The following AKR1C3 variants were observed in gnomAD, a reference collection of about 807,000 sequenced individuals.
AKR1C3 encodes the protein 3-alpha hydroxysteroid dehydrogenase, type II.
In AKR1C3, 48 loss-of-function variants were observed where a neutral mutation model predicts 43.6. The observed-to-expected ratio is 1.10, with a 90% confidence interval of 0.87 to 1.40. The LOEUF is 1.40. Among genes scored for constraint, AKR1C3 ranks in the 40% most tolerant of loss-of-function variants. The pLI, the probability that AKR1C3 is intolerant of heterozygous loss-of-function variation, is 0.00. For synonymous variants in AKR1C3, 162 were observed against 139.6 expected, an observed-to-expected ratio of 1.16 and a Z score of -1.13; for missense variants, 482 against 391.2, an observed-to-expected ratio of 1.23 and a Z score of -1.96.
chr10:5,054,550 G>T (rs1838219923), intron 1 of AKR1C3, among the ~76,000 whole-genome samples: 1 of 152,124 alleles, frequency 6.6e-6, no homozygotes, highest in Non-Finnish European at 1.5e-5. Flanking sequence ...GCCTTGGCTG[G>T]GTAGACAGAA....
upstream of AKR1C3, among the ~76,000 whole-genome samples, chr10:5,089,517 C>G (rs897475806): frequency 1.3e-5 from 2 of 152,030 alleles, no homozygotes; most frequent in Non-Finnish European, 1.5e-5. Flanking sequence ...ATGCTTTCTT[C>G]TGCTGGTTTA....
chr10:5,074,360 A>T (rs1554781609), intron 1 of AKR1C3, among the ~76,000 whole-genome samples: 1 of 152,224 alleles, frequency 6.6e-6, no homozygotes, highest in Admixed American at 6.5e-5. Flanking sequence ...AAGTATTTTG[A>T]CAAATTTCAA....
chr10:5,077,145 C>T (rs1838733712), intron 1 of AKR1C3, among the ~76,000 whole-genome samples: 1 of 151,934 alleles, frequency 6.6e-6, no homozygotes, highest in South Asian at 2.1e-4. Context: ...GTTAATATTC[C>T]CCTCTTGTCC....
chr10:5,104,369 T>A (rs56234224), intron 7 of AKR1C3, among the ~76,000 whole-genome samples: 4,615 of 131,572 alleles, frequency 0.035, 232 homozygotes, highest in African/African-American at 0.13. Context: ...GCATTCACAT[T>A]TGCTCACATA....
At chr10:5,098,594 A>G (rs34774984) in intron 3 of AKR1C3, among the ~76,000 whole-genome samples, 120 of 152,368 alleles carry the variant, frequency 7.9e-4, no homozygotes, top group African/African-American at 2.8e-3. Context: ...TTTTCCATGC[A>G]TATAATATTT....
intron 1 of AKR1C3, among the ~76,000 whole-genome samples, chr10:5,069,855 T>C (rs1554781164): frequency 6.6e-6 from 1 of 151,274 alleles, no homozygotes; most frequent in East Asian, 1.9e-4. Context: ...GCCTGGGCAA[T>C]AAGAGTGAAA....
At chr10:5,103,619 C>A (rs1466874520) in intron 7 of AKR1C3, among the ~76,000 whole-genome samples, 2 of 152,136 alleles carry the variant, frequency 1.3e-5, no homozygotes, top group Non-Finnish European at 2.9e-5. Flanking sequence ...TTTTCTCCTC[C>A]ATATAGTTCA....
At chr10:5,085,449 T>A (rs1209815127) in intron 1 of AKR1C3, among the ~76,000 whole-genome samples, 2 of 151,918 alleles carry the variant, frequency 1.3e-5, no homozygotes, top group East Asian at 3.8e-4. Context: ...GTGGATAAGC[T>A]TTTTGATGTG....
Position 5,097,949 on chromosome 10 carries a change from C to T in AKR1C3, c.369+399C>T, listed in dbSNP as rs573012093. 1.8e-4 allele frequency: 191 copies of T among 1,049,402 alleles called. 1 individual carries two copies. The African/African-American group carries it at 3.1e-3, about 17-fold the overall frequency. 65.0% of individuals were successfully genotyped at this position (1,049,402 alleles called of 1,614,324 possible). On this transcript the variant is annotated intron_variant, in intron 3 of 8. Transcript: ENST00000380554. ...TTCCACCATCTCTCCCCATTTCAAG[C>T]TGAAGCAGATTTGGTGGAAGCCACT...
chr10:5,088,646 G>T (rs1293828427), intron 1 of AKR1C3, among the ~76,000 whole-genome samples: 1 of 151,320 alleles, frequency 6.6e-6, no homozygotes, highest in Non-Finnish European at 1.5e-5. Context: ...GGCTAGTCCT[G>T]CTTGCTGACA....
At chr10:5,094,301 C>G, upstream of AKR1C3, 2 of 789,708 alleles carry the variant, frequency 2.5e-6, no homozygotes, top group East Asian at 3.7e-5. Flanking sequence ...CCATATAAGA[C>G]TGCCTATGTA....
Position 5,074,618 on chromosome 10 carries a change from T to C in AKR1C3, c.85-21792T>C, listed in dbSNP as rs560369218. On this transcript the variant is annotated intron_variant, in intron 1 of 8. Coordinates refer to the AKR1C3 transcript ENST00000439082. ...GACATAGTGTGCAAGAAGATTAAAT[T>C]TTGGTACCCGAAACTCTTTTAGCCA... Among the ~76,000 whole-genome samples, 18 of 152,288 alleles carry C rather than the reference T, an allele frequency of 1.2e-4. No homozygotes were observed. In the South Asian group the frequency reaches 3.7e-3, roughly 32 times the overall value.
At chr10:5,094,380 A>G, upstream of AKR1C3, 1 of 1,595,958 alleles carries the variant, frequency 6.3e-7, no homozygotes, top group South Asian at 1.1e-5. Flanking sequence ...TTTCCTGCCC[A>G]TTGTTTTTGT....
rs919811333 is a variant in AKR1C3 at position 5,107,596 on chromosome 10, C to T, written c.*93C>T. On this transcript the variant is annotated 3_prime_UTR_variant, in exon 9 of 9. Transcript: ENST00000380554. ...ATGCCGGTGACTGGACATATCACCT[C>T]TACTTAAATCCGTCCTGTTTAGCGA... The T allele has an allele frequency of 1.6e-4, 159 of 989,276 alleles. No homozygotes were observed. Among genetic ancestry groups the T allele is most frequent in the Non-Finnish European group, 2.3e-4 (145 of 642,216 alleles). 61.3% of individuals were successfully genotyped at this position (989,276 alleles called of 1,614,324 possible). A position where few individuals can be genotyped will look rare whatever the true frequency, so the allele number is the denominator to read the frequency against.
At chr10:5,079,342 T>C (rs932978234) in intron 1 of AKR1C3, among the ~76,000 whole-genome samples, 1 of 152,062 alleles carries the variant, frequency 6.6e-6, no homozygotes, top group South Asian at 2.1e-4. Flanking sequence ...TATATTTTGA[T>C]CTTGCTGTTA....
At chr10:5,106,046 C>G (rs1042878983) in intron 8 of AKR1C3, among the ~76,000 whole-genome samples, 1 of 152,216 alleles carries the variant, frequency 6.6e-6, no homozygotes, top group Admixed American at 6.5e-5. Flanking sequence ...TGTCCCAAAC[C>G]TGCTCAGCTC....
At chr10:5,065,626 G>A (rs1318351207) in intron 1 of AKR1C3, among the ~76,000 whole-genome samples, 2 of 152,158 alleles carry the variant, frequency 1.3e-5, no homozygotes, top group East Asian at 1.9e-4. Flanking sequence ...ATGAGCATAG[G>A]GCCCCATTAC....
chr10:5,065,380 T>A (rs994336929), intron 1 of AKR1C3, among the ~76,000 whole-genome samples: 8 of 152,206 alleles, frequency 5.3e-5, no homozygotes, highest in Admixed American at 1.3e-4. Flanking sequence ...CCAGACTGGA[T>A]AAAGAAATCT....
upstream of AKR1C3, among the ~76,000 whole-genome samples, chr10:5,091,239 T>A (rs1009981503): frequency 1.3e-5 from 2 of 152,000 alleles, no homozygotes; most frequent in African/African-American, 4.8e-5. Flanking sequence ...AAAGAGAGAA[T>A]GAGAATTGCT....
Sources: allele counts gnomAD v4.1 joint callset (sites outside exome capture counted in the v4.1 genomes callset), GRCh38; gene constraint gnomAD v4.1.1; transcripts MANE v1.5; gene names NCBI Gene and HGNC (gene_info 2026-07-23, HGNC 2026-07-21).